SPAG17: variants seen among roughly 807,000 people sequenced by gnomAD.
The protein encoded by SPAG17 is sperm associated antigen 17.
Under a neutral mutation model 273.6 loss-of-function variants are expected in SPAG17, and 169 were observed. The ratio of observed to expected loss-of-function variants is 0.62; its 90% CI spans 0.55 to 0.70. The LOEUF (loss-of-function observed/expected upper bound fraction) is 0.70. SPAG17 is among the 30% of genes least tolerant of loss of function. The probability of loss-of-function intolerance (pLI) is 0.00; values close to 1 mark genes in which losing one functional copy is unlikely to be tolerated. For missense variants in SPAG17, 2,557 were observed against 2,627.8 expected (o/e 0.97, Z 0.59); for synonymous variants, 825 against 873.2 (o/e 0.94, Z 0.97).
intron 43 of SPAG17, among the ~76,000 whole-genome samples, chr1:117,977,878 G>C (rs916659762): frequency 6.6e-6 from 1 of 152,132 alleles, no homozygotes; most frequent in East Asian, 1.9e-4. Flanking sequence ...TAACACCTGA[G>C]AGGGTCTCCC....
At chr1:118,042,141 A>C in intron 20 of SPAG17, 99 bp from the exon 21 acceptor site, 1 of 1,405,566 alleles carries the variant, frequency 7.1e-7, no homozygotes, top group Non-Finnish European at 9.6e-7. Flanking sequence ...GATTTTTGTT[A>C]GTGTATCTCT....
intron 4 of SPAG17, among the ~76,000 whole-genome samples, chr1:118,114,859 T>C (rs939668836): frequency 6.6e-6 from 1 of 152,156 alleles, no homozygotes; most frequent in African/African-American, 2.4e-5. Context: ...TGCTGAAATA[T>C]TCAGATTATT....
At chr1:118,102,065 G>T (rs539658386) in intron 4 of SPAG17, 139 bp from the exon 5 acceptor site, 3 of 739,836 alleles carry the variant, frequency 4.1e-6, no homozygotes, top group African/African-American at 1.8e-5. Context: ...ATATAAGTCA[G>T]CATAGTGGAG....
At chr1:118,137,894 G>A (rs926606643) in intron 3 of SPAG17, among the ~76,000 whole-genome samples, 1 of 152,108 alleles carries the variant, frequency 6.6e-6, no homozygotes, top group Non-Finnish European at 1.5e-5. Context: ...AGCTGAAGAT[G>A]GAGGAGAAAG....
chr1:118,172,663 T>C (rs1031426858), intron 1 of SPAG17, among the ~76,000 whole-genome samples: 2 of 152,196 alleles, frequency 1.3e-5, no homozygotes, highest in African/African-American at 4.8e-5. Flanking sequence ...GCAATCCTGG[T>C]ATTCTGAAGA....
intron 47 of SPAG17, 58 bp downstream of exon 47, chr1:117,966,551 C>T (rs1571081979): frequency 2.1e-6 from 3 of 1,395,438 alleles, no homozygotes; most frequent in Admixed American, 2.6e-5. Context: ...CCATGTTTTC[C>T]TCACTCGTGT....
intron 1 of SPAG17, among the ~76,000 whole-genome samples, chr1:118,157,805 A>AT (rs1308471376): frequency 6.6e-6 from 1 of 152,212 alleles, no homozygotes; most frequent in Non-Finnish European, 1.5e-5. Flanking sequence ...TGTTGTGAAG[A>AT]TTGAATGAGA....
intron 45 of SPAG17, 52 bp from the exon 46 acceptor site, chr1:117,970,168 C>CAATG (rs1654393108): frequency 6.5e-7 from 1 of 1,545,934 alleles, no homozygotes; most frequent in Non-Finnish European, 8.9e-7. Context: ...AACCCATGAG[C>CAATG]AATGAATAAG....
intron 28 of SPAG17, among the ~76,000 whole-genome samples, chr1:118,021,456 G>C (rs928460607): frequency 6.6e-6 from 1 of 151,868 alleles, no homozygotes; most frequent in Non-Finnish European, 1.5e-5. Context: ...AGGTGAAGAG[G>C]GATTTTTAGG....
intron 48 of SPAG17, chr1:117,955,435 A>G: frequency 2.3e-6 from 3 of 1,325,084 alleles, no homozygotes; most frequent in Middle Eastern, 1.9e-4. Context: ...CGGGAAATAA[A>G]TAGAAATTAT....
At chr1:117,978,025 T>A (rs1199895521) in intron 43 of SPAG17, among the ~76,000 whole-genome samples, 1 of 152,212 alleles carries the variant, frequency 6.6e-6, no homozygotes, top group African/African-American at 2.4e-5. Flanking sequence ...CCAACCCCGA[T>A]CATTTTACCA....
intron 18 of SPAG17, among the ~76,000 whole-genome samples, chr1:118,057,088 T>G (rs1651780868): frequency 6.6e-6 from 1 of 152,058 alleles, no homozygotes; most frequent in African/African-American, 2.4e-5. Flanking sequence ...GCAATTCTCC[T>G]GATTCAGCCT....
intron 7 of SPAG17, among the ~76,000 whole-genome samples, chr1:118,096,963 G>T (rs1221351535): frequency 6.6e-6 from 1 of 152,154 alleles, no homozygotes; most frequent in African/African-American, 2.4e-5. Flanking sequence ...GGCCAGGCAT[G>T]GTGGCTCACG....
intron 1 of SPAG17, among the ~76,000 whole-genome samples, chr1:118,175,572 T>TAA (rs1178739158): frequency 4.4e-5 from 3 of 67,476 alleles, no homozygotes; most frequent in African/African-American, 1.8e-4. Flanking sequence ...ATTTTCAAAG[T>TAA]ACAAAAAAAA....
Position 118,081,413 on chromosome 1 carries a change from A to G in SPAG17, c.1990+2T>C. On this transcript the variant is annotated splice_donor_variant, in intron 14 of 48. Coordinates refer to ENST00000336338, the MANE Select transcript of SPAG17 (RefSeq NM_206996.4). LOFTEE classifies it high-confidence loss of function. The stretch of plus-strand genomic sequence containing the variant: ...GCTTTCCATTCCCTCCATGCAGTGT[A>G]CCTGCTTTCTGCTTGGCCTCTTGAG... The G allele has an allele frequency of 6.2e-7, 1 of 1,613,568 alleles. No individual in the cohort carries two copies. Among genetic ancestry groups the G allele is most frequent in the South Asian group, 1.1e-5 (1 of 91,058 alleles).
chr1:118,099,536 A>G (rs1196403201), intron 6 of SPAG17, 70 bp downstream of exon 6: 3 of 1,370,874 alleles, frequency 2.2e-6, no homozygotes, highest in Admixed American at 3.8e-5. Flanking sequence ...TGGACAGAAA[A>G]TTATATTTGT....
chr1:118,007,911 G>C, intron 31 of SPAG17, 133 bp downstream of exon 31: 1 of 844,752 alleles, frequency 1.2e-6, no homozygotes, highest in Non-Finnish European at 1.9e-6. Context: ...TATATTCTAA[G>C]ATGTTAGTAT....
intron 13 of SPAG17, among the ~76,000 whole-genome samples, chr1:118,083,953 G>A (rs1475408811): frequency 6.6e-6 from 1 of 152,148 alleles, no homozygotes; most frequent in African/African-American, 2.4e-5. Flanking sequence ...AGGGAAAAGA[G>A]GAAGAGGGGA....
intron 4 of SPAG17, among the ~76,000 whole-genome samples, chr1:118,108,459 C>G (rs1656545728): frequency 6.6e-6 from 1 of 152,172 alleles, no homozygotes; most frequent in Non-Finnish European, 1.5e-5. Flanking sequence ...AGCTGACCCC[C>G]TAAGTTATAA....
Sources: gnomAD v4.1 joint callset for allele counts (sites outside exome capture counted in the v4.1 genomes callset) on GRCh38, gnomAD v4.1.1 for gene constraint, MANE v1.5 for transcripts, NCBI Gene and HGNC (gene_info 2026-07-23, HGNC 2026-07-21) for gene names.